Variants in SHISA6 observed in about 807,000 individuals in gnomAD.
The protein encoded by SHISA6 is shisa family member 6.
SHISA6 carries 22 observed loss-of-function variants against 47.9 expected under a neutral mutation model. That is an observed-to-expected ratio of 0.46 (90% CI 0.33 to 0.66). The LOEUF is 0.66. Ranked by LOEUF, SHISA6 falls within the 30% of genes least tolerant of loss-of-function variation. SHISA6 has a pLI of 0.02. For synonymous variants in SHISA6, 388 were observed against 337.8 expected (o/e 1.15, Z -1.63); for missense variants, 680 against 764.6 (o/e 0.89, Z 1.30).
At chr17:11,411,725 T>C (rs908360804) in intron 3 of SHISA6, among the ~76,000 whole-genome samples, 5 of 152,128 alleles carry the variant, frequency 3.3e-5, no homozygotes, top group Non-Finnish European at 7.3e-5. Flanking sequence ...TCACTGAGGG[T>C]ATCACAGATT....
intron 3 of SHISA6, among the ~76,000 whole-genome samples, chr17:11,431,277 C>G (rs1005459677): frequency 5.9e-5 from 9 of 152,128 alleles, no homozygotes; most frequent in African/African-American, 2.2e-4. Context: ...ATACAGTCCC[C>G]TTGGTAGACA....
intron 2 of SHISA6, among the ~76,000 whole-genome samples, chr17:11,304,402 A>G (rs1413812740): frequency 6.6e-6 from 1 of 152,010 alleles, no homozygotes. Context: ...TGCAGTCAAA[A>G]GATGACGGCC....
intron 2 of SHISA6, among the ~76,000 whole-genome samples, chr17:11,325,136 G>A (rs1597458926): frequency 6.6e-6 from 1 of 152,150 alleles, no homozygotes; most frequent in South Asian, 2.1e-4. Context: ...GGATCCAGGC[G>A]AGGATCACCC....
chr17:11,423,215 A>G (rs1022139213), intron 3 of SHISA6, among the ~76,000 whole-genome samples: 24 of 135,712 alleles, frequency 1.8e-4, no homozygotes, highest in African/African-American at 4.8e-4. Flanking sequence ...ACATATATGT[A>G]TGTGTGTGTG....
At chr17:11,448,731 C>T (rs887639142) in intron 3 of SHISA6, among the ~76,000 whole-genome samples, 1 of 152,064 alleles carries the variant, frequency 6.6e-6, no homozygotes, top group Non-Finnish European at 1.5e-5. Flanking sequence ...GAGGCTGAGG[C>T]AGGAGAATCG....
chr17:11,318,278 C>T (rs9913280), intron 2 of SHISA6, among the ~76,000 whole-genome samples: 1 of 152,166 alleles, frequency 6.6e-6, no homozygotes, highest in Non-Finnish European at 1.5e-5. Context: ...CTCTTTGTAA[C>T]TGCCTTTAGT....
rs2943036 is a variant in SHISA6, at chr17:11,435,258, T to A, written c.895+55749T>A. On this transcript the variant is annotated intron_variant, in intron 3 of 5. Coordinates refer to ENST00000441885, the MANE Select transcript of SHISA6 (RefSeq NM_207386.4). ...TTAAAGATTATTAACTTTTTGAATA[T>A]CAAAAATTGAAGCTGCTAGGAATCA... Among the ~76,000 whole-genome samples the A allele has an allele frequency of 6.0e-3, 919 of 152,158 alleles. 9 individuals are homozygous for A. Among genetic ancestry groups the A allele is most frequent in the African/African-American group, 0.021 (854 of 41,446 alleles).
At chr17:11,388,802 A>ATATATATATATAT (rs1913281825) in intron 3 of SHISA6, among the ~76,000 whole-genome samples, 15 of 54,652 alleles carry the variant, frequency 2.7e-4, no homozygotes, top group African/African-American at 1.1e-3. Context: ...ATATATATAT[A>ATATATATATATAT]TATATATATA....
At chr17:11,297,520 A>G in intron 2 of SHISA6, among the ~76,000 whole-genome samples, 1 of 152,116 alleles carries the variant, frequency 6.6e-6, no homozygotes, top group East Asian at 1.9e-4. Context: ...TCAGGATGGA[A>G]GCGAGGGCAA....
In SHISA6 at chr17:11,249,137, CAAAAAAA is replaced by C. The variant is rs139559354; in HGVS notation, c.638+7093_638+7099del. 3.0e-4 allele frequency among the ~76,000 whole-genome samples: 18 copies of C among 60,520 alleles called. No individual in the cohort carries two copies. The South Asian group carries it at 3.4e-3, about 11-fold the overall frequency. The allele number at this position is 60,520 out of a possible 152,430, so 39.7% of individuals were successfully genotyped here. ...TGGGCAACAGAGCGAGACTCCGTCT[CAAAAAAA>C]AAAAAAAAAAAAAAATTCAGACTGT... On this transcript the variant is annotated intron_variant, in intron 1 of 5. Transcript: ENST00000441885.
chr17:11,389,435 G>A (rs887090092), intron 3 of SHISA6, among the ~76,000 whole-genome samples: 7 of 152,204 alleles, frequency 4.6e-5, no homozygotes, highest in East Asian at 1.9e-4. Context: ...CATGGCCCCC[G>A]GTAGGGAGCA....
Position 11,389,019 on chromosome 17 carries a change from A to C in SHISA6, c.895+9510A>C, listed in dbSNP as rs1458385793. Among the ~76,000 whole-genome samples the C allele has an allele frequency of 4.6e-5, 7 of 152,014 alleles. No individual in the cohort carries two copies. In the South Asian group the frequency reaches 1.5e-3, roughly 32 times the overall value. The stretch of plus-strand genomic sequence containing the variant: ...AGCAGAAAGGATGCTGTGACTCCTC[A>C]GTATGGCCCAGGACTCTGTCTCCAG... On this transcript the variant is annotated intron_variant, in intron 3 of 5. Coordinates refer to ENST00000441885, the MANE Select transcript of SHISA6 (RefSeq NM_207386.4).
chr17:11,260,221 C>G (rs779678536), intron 1 of SHISA6, among the ~76,000 whole-genome samples: 1 of 152,070 alleles, frequency 6.6e-6, no homozygotes, highest in Non-Finnish European at 1.5e-5. Context: ...CCGAGAAAGC[C>G]AAGAAATAGA....
At chr17:11,288,382 G>T (rs1395541807) in intron 2 of SHISA6, 1 of 152,002 alleles carries the variant, frequency 6.6e-6, no homozygotes, top group East Asian at 1.9e-4. Flanking sequence ...TAAAACAGCA[G>T]GTATTTTATA....
chr17:11,501,241 T>A (rs1471819046), intron 3 of SHISA6, among the ~76,000 whole-genome samples: 1 of 151,624 alleles, frequency 6.6e-6, no homozygotes, highest in Non-Finnish European at 1.5e-5. Flanking sequence ...GCCTCCGGAG[T>A]AGCTGGGATT....
chr17:11,483,836 A>T (rs995438635), intron 3 of SHISA6, among the ~76,000 whole-genome samples: 7 of 152,164 alleles, frequency 4.6e-5, no homozygotes, highest in African/African-American at 1.7e-4. Flanking sequence ...TGCGCCTGTA[A>T]TCCCAGCTAT....
chr17:11,437,473 A>T (rs1226611820), intron 3 of SHISA6, among the ~76,000 whole-genome samples: 1 of 152,076 alleles, frequency 6.6e-6, no homozygotes, highest in Non-Finnish European at 1.5e-5. Flanking sequence ...ACTGTGACGA[A>T]CTTCAGTGCA....
intron 2 of SHISA6, among the ~76,000 whole-genome samples, chr17:11,353,483 G>A (rs11651183): frequency 0.18 from 27,509 of 151,536 alleles, 2,641 homozygotes; most frequent in South Asian, 0.3. Context: ...GTGAGGCGGG[G>A]GGTCCTCAAC....
intron 2 of SHISA6, among the ~76,000 whole-genome samples, chr17:11,272,942 C>G (rs1238666652): frequency 1.3e-5 from 2 of 152,288 alleles, no homozygotes; most frequent in East Asian, 1.9e-4. Flanking sequence ...GAGTGTGATG[C>G]CTGAGTTCCT....
Sources: allele counts gnomAD v4.1 joint callset (sites outside exome capture counted in the v4.1 genomes callset), GRCh38; gene constraint gnomAD v4.1.1; transcripts MANE v1.5; gene names NCBI Gene and HGNC (gene_info 2026-07-23, HGNC 2026-07-21).